ANK2: variants seen among roughly 807,000 people sequenced by gnomAD.
ANK2 encodes ankyrin-2.
Under a neutral mutation model 360.5 loss-of-function variants are expected in ANK2, and 83 were observed. The observed-to-expected ratio is 0.23, with a 90% CI of 0.19 to 0.28. The LOEUF (loss-of-function observed/expected upper bound fraction) is 0.28. Ranked by LOEUF, ANK2 falls within the 10% of genes least tolerant of loss-of-function variation. The probability of loss-of-function intolerance (pLI) is 1.00; values close to 1 mark genes in which losing one functional copy is unlikely to be tolerated. For missense variants in ANK2, 4,201 were observed against 4,795.7 expected, an observed-to-expected ratio of 0.88 and a Z score of 3.66; for synonymous variants, 1,740 against 1,759.5, an observed-to-expected ratio of 0.99 and a Z score of 0.28.
Position 113,355,773 on chromosome 4 carries a change from T to G in ANK2, c.7155T>G (p.Pro2385=). Reference sequence around the variant, plus strand: ...ACGAGACAAAGGCCTTGCCGCTGCCTGAGGCTTCTGTAAAGACAGATACAG... The same window carrying G: ...ACGAGACAAAGGCCTTGCCGCTGCCGGAGGCTTCTGTAAAGACAGATACAG... ...TSDETKALPL[P]EASVKTDTGT... is the part of the protein sequence containing the mutation. Residue 2385 remains proline (P), a synonymous_variant, in exon 38 of 46, where the codon CCT becomes CCG. Coordinates refer to ENST00000357077, the MANE Select transcript of ANK2 (RefSeq NM_001148.6). 6.2e-7 allele frequency: 1 copy of G among 1,614,094 alleles called. No homozygotes were observed. Among genetic ancestry groups the G allele is most frequent in the Non-Finnish European group, 8.5e-7 (1 of 1,179,980 alleles).
chr4:113,199,731 C>A (rs897962179), intron 4 of ANK2, among the ~76,000 whole-genome samples: 1 of 151,908 alleles, frequency 6.6e-6, no homozygotes, highest in South Asian at 2.1e-4. Flanking sequence ...ATATCATGTA[C>A]GCATGTGGGG....
chr4:113,149,874 C>CAAA (rs34667216), intron 1 of ANK2, among the ~76,000 whole-genome samples: 456 of 31,396 alleles, frequency 0.015, 88 homozygotes, highest in East Asian at 0.045. Flanking sequence ...GACCCTGCCT[C>CAAA]AAAAAAAAAA....
intron 2 of ANK2, among the ~76,000 whole-genome samples, chr4:112,958,155 C>G (rs531034476): frequency 1.3e-5 from 2 of 151,890 alleles, no homozygotes; most frequent in South Asian, 4.2e-4. Context: ...AGACGATGGG[C>G]GGCCAGGCAG....
chr4:113,144,220 G>A (rs1288197508), intron 1 of ANK2, among the ~76,000 whole-genome samples: 1 of 152,066 alleles, frequency 6.6e-6, no homozygotes, highest in Non-Finnish European at 1.5e-5. Flanking sequence ...TGTAAGGATA[G>A]GAACTTTATA....
In ANK2 at chr4:112,962,384, TTATA is replaced by T. The variant is rs2035277683; in HGVS notation, c.21+57872_21+57875del. ...TACAAGGGACATGATGTTATTCTTT[TTATA>T]TCTGTGAAGTATTCCATGGTGTATA... On this transcript the variant is annotated intron_variant, in intron 2 of 30. Transcript: ENST00000503271. Among the ~76,000 whole-genome samples, 3 of 152,286 alleles carry T rather than the reference TTATA, an allele frequency of 2.0e-5. No homozygotes were observed. In the South Asian group the frequency reaches 6.2e-4, roughly 32 times the overall value.
At chr4:112,785,333 T>A in the ANK2 span, among the ~76,000 whole-genome samples, 1 of 152,090 alleles carries the variant, frequency 6.6e-6, no homozygotes, top group African/African-American at 2.4e-5. Flanking sequence ...TTGGCAGTAG[T>A]GGCTTTTTTT....
the ANK2 span, among the ~76,000 whole-genome samples, chr4:112,728,292 CAAAAAAAAAAAA>C: frequency 1.3e-3 from 52 of 40,130 alleles, no homozygotes; most frequent in East Asian, 2.1e-3. Flanking sequence ...GACTCTGTCT[CAAAAAAAAAAAA>C]AAAAAAAAAA....
the ANK2 span, among the ~76,000 whole-genome samples, chr4:112,721,077 T>C: frequency 6.6e-6 from 1 of 152,132 alleles, no homozygotes; most frequent in Non-Finnish European, 1.5e-5. Context: ...CAGAAGCCCA[T>C]GTTTGCCAGC....
chr4:112,939,183 C>T (rs925927017), intron 2 of ANK2, among the ~76,000 whole-genome samples: 1 of 152,062 alleles, frequency 6.6e-6, no homozygotes, highest in Non-Finnish European at 1.5e-5. Flanking sequence ...ATTTTCATGG[C>T]TATTTTGTTA....
chr4:113,136,825 C>T (rs546366965), intron 1 of ANK2, among the ~76,000 whole-genome samples: 1 of 149,734 alleles, frequency 6.7e-6, no homozygotes, highest in East Asian at 2.0e-4. Flanking sequence ...AGTACAATCT[C>T]GGCTTACTGC....
At chr4:112,925,540 C>T (rs187983214) in intron 2 of ANK2, among the ~76,000 whole-genome samples, 1 of 152,290 alleles carries the variant, frequency 6.6e-6, no homozygotes, top group South Asian at 2.1e-4. Flanking sequence ...AAAATAATAG[C>T]TTCAATCTGC....
intron 26 of ANK2, chr4:113,323,881 G>C: frequency 3.1e-6 from 4 of 1,307,928 alleles, no homozygotes; most frequent in Non-Finnish European, 4.2e-6. Context: ...CCTTGCCTCA[G>C]GATGCTTTAG....
At chr4:113,159,876 C>T (rs1410781924) in intron 1 of ANK2, among the ~76,000 whole-genome samples, 2 of 151,882 alleles carry the variant, frequency 1.3e-5, no homozygotes, top group African/African-American at 4.8e-5. Flanking sequence ...CCTGCCTCGG[C>T]CTCCTAAAGT....
chr4:113,167,615 A>C (rs1378686471), intron 1 of ANK2, among the ~76,000 whole-genome samples: 2 of 152,092 alleles, frequency 1.3e-5, no homozygotes, highest in Non-Finnish European at 2.9e-5. Flanking sequence ...ACCATCTTTT[A>C]AAGTAAATAT....
rs571197384 is a variant in ANK2, at chr4:112,874,184, C to T, written c.-39-30271C>T. ...GCAACCTCCGCCTCCTGGGTTCAAG[C>T]GATTCTCCTGCCTCAGCCTCCTGAG... On this transcript the variant is annotated intron_variant, in intron 1 of 30. Transcript: ENST00000503271. Among the ~76,000 whole-genome samples the T allele has an allele frequency of 3.3e-3, 483 of 146,314 alleles. 2 individuals are homozygous for T. The highest frequency in any genetic ancestry group is 0.012 in the African/African-American group (460 of 39,696).
intron 10 of ANK2, among the ~76,000 whole-genome samples, chr4:113,251,929 C>G (rs1457534106): frequency 6.6e-6 from 1 of 152,132 alleles, no homozygotes; most frequent in Non-Finnish European, 1.5e-5. Context: ...ATACCGCTCT[C>G]CTGGGAGTGG....
intron 1 of ANK2, among the ~76,000 whole-genome samples, chr4:113,134,468 A>G (rs1228869772): frequency 6.6e-6 from 1 of 151,864 alleles, no homozygotes; most frequent in African/African-American, 2.4e-5. Context: ...AGGATCTGGA[A>G]GACATCTTTA....
intron 4 of ANK2, among the ~76,000 whole-genome samples, chr4:113,222,643 T>A (rs1321034885): frequency 6.6e-6 from 1 of 152,154 alleles, no homozygotes. Flanking sequence ...CTTGGGTGGA[T>A]AACTGTGAGC....
intron 2 of ANK2, among the ~76,000 whole-genome samples, chr4:112,935,325 C>T (rs993710346): frequency 6.6e-6 from 1 of 152,140 alleles, no homozygotes; most frequent in Non-Finnish European, 1.5e-5. Flanking sequence ...AAACAGAAAT[C>T]TAAGTGTAAA....
Sources: allele counts gnomAD v4.1 joint callset (sites outside exome capture counted in the v4.1 genomes callset), GRCh38; gene constraint gnomAD v4.1.1; transcripts MANE v1.5; gene names NCBI Gene and HGNC (gene_info 2026-07-23, HGNC 2026-07-21).